Variants in COG4 observed in about 807,000 individuals in gnomAD.
COG4 encodes conserved oligomeric Golgi complex subunit 4.
In COG4, 65 loss-of-function variants were observed where a neutral mutation model predicts 95.1. The ratio of observed to expected loss-of-function variants is 0.68; its 90% CI spans 0.56 to 0.84. The LOEUF is 0.84. Ranked by LOEUF, COG4 falls within the 40% of genes least tolerant of loss-of-function variation. COG4 has a pLI of 0.00. For synonymous variants in COG4, 421 were observed against 374.8 expected (o/e 1.12, Z -1.42); for missense variants, 1,045 against 989.1 (o/e 1.06, Z -0.76).
In COG4 at chr16:70,499,956, G is replaced by A. The variant is rs979048509; in HGVS notation, c.1195+1002C>T. ...ATTACAGGCGTGAGCCACCGCGCCC[G>A]ACCTAAAAATTTTTTTAAATGTTTA... On this transcript the variant is annotated intron_variant, in intron 9 of 18. Coordinates refer to ENST00000323786, the MANE Select transcript of COG4 (RefSeq NM_015386.3). Among the ~76,000 whole-genome samples, 11 of 151,478 alleles carry A rather than the reference G, an allele frequency of 7.3e-5. No homozygotes were observed. In the East Asian group the frequency reaches 7.8e-4, roughly 11 times the overall value.
chr16:70,523,465 C>T lies in COG4; in HGVS notation c.79G>A (p.Gly27Ser). 6.2e-7 allele frequency: 1 copy of T among 1,614,120 alleles called. No homozygotes were observed. Among genetic ancestry groups the T allele is most frequent in the Non-Finnish European group, 8.5e-7 (1 of 1,180,030 alleles). ...TCAGCGGAGATTTCGGAGCAGCGGC[C>T]ACCTCCCACCCCCTCAGACGGCTGC... Reference protein sequence around the residue: ...VQQPSEGVGGGRCSEISAELI... With the variant: ...VQQPSEGVGGSRCSEISAELI... Residue 27 changes from glycine (G) to serine (S), a missense_variant, in exon 1 of 19, where the codon GGC (glycine) becomes AGC (serine). By Grantham distance (56) the Gly-to-Ser change is moderately conservative. Coordinates refer to ENST00000323786, the MANE Select transcript of COG4 (RefSeq NM_015386.3).
rs1216838296 is a variant in COG4, at chr16:70,496,286, C to T, written c.1627G>A (p.Glu543Lys). 11 of 1,614,066 alleles carry T rather than the reference C, an allele frequency of 6.8e-6. No homozygotes were observed. The highest frequency in any genetic ancestry group is 1.6e-4 in the Middle Eastern group (1 of 6,084). The change falls in exon 12 of 19, where the codon GAG becomes AAG. Residue 543 changes from glutamate to lysine, a missense_variant. Physicochemically the swap from Glu to Lys is moderately conservative, Grantham distance 56. Transcript: ENST00000323786. Reference sequence around the variant, plus strand: ...CCTACCAGGAAGGACATCTTCGCCTCGTCAGTACTCTCGATGCCTTTTGTG... The same window carrying T: ...CCTACCAGGAAGGACATCTTCGCCTTGTCAGTACTCTCGATGCCTTTTGTG... ...FDTKGIESTD[E>K]AKMSFLVTLN...
chr16:70,521,308 C>T (rs970804368), intron 1 of COG4, among the ~76,000 whole-genome samples: 1 of 152,030 alleles, frequency 6.6e-6, no homozygotes, highest in African/African-American at 2.4e-5. Flanking sequence ...CCTCCCTGCC[C>T]TGGGGTTCAA....
rs370588748 is a variant in COG4, at chr16:70,503,830, G to A, written c.1062-2739C>T. Among the ~76,000 whole-genome samples, 8 of 122,794 alleles carry A rather than the reference G, an allele frequency of 6.5e-5. 2 individuals carry two copies. Among genetic ancestry groups the A allele is most frequent in the African/African-American group, 3.4e-4 (5 of 14,508 alleles). 80.6% of individuals were successfully genotyped at this position (122,794 alleles called of 152,430 possible). A position where few individuals can be genotyped will look rare whatever the true frequency, so the allele number is the denominator to read the frequency against. Reference sequence around the variant, plus strand: ...AGGATGGTCTCGATCTCCTGACCTCGTGATCCGCCCGCCTCGGCCTCCCAA... The same window carrying A: ...AGGATGGTCTCGATCTCCTGACCTCATGATCCGCCCGCCTCGGCCTCCCAA... On this transcript the variant is annotated intron_variant, in intron 8 of 18. Coordinates refer to ENST00000323786, the MANE Select transcript of COG4 (RefSeq NM_015386.3).
At chr16:70,503,889 C>A (rs60939494) in intron 8 of COG4, among the ~76,000 whole-genome samples, 1 of 126,264 alleles carries the variant, frequency 7.9e-6, no homozygotes, top group Non-Finnish European at 1.5e-5. Context: ...CCACCGCGCC[C>A]GGCCAACTCC....
chr16:70,494,162 T>C (rs549930394), intron 12 of COG4, among the ~76,000 whole-genome samples: 31 of 152,276 alleles, frequency 2.0e-4, no homozygotes, highest in African/African-American at 7.2e-4. Context: ...ATGTCACAAG[T>C]TTCCAAATAA....
intron 1 of COG4, among the ~76,000 whole-genome samples, chr16:70,520,232 G>A (rs1300903940): frequency 2.6e-5 from 4 of 152,020 alleles, no homozygotes; most frequent in Admixed American, 2.0e-4. Context: ...TCAGGAGATC[G>A]AAACCATCCT....
intron 1 of COG4, among the ~76,000 whole-genome samples, chr16:70,520,218 G>C (rs894035137): frequency 6.6e-6 from 1 of 152,090 alleles, no homozygotes; most frequent in African/African-American, 2.4e-5. Context: ...GGCGGATCAC[G>C]AGGTCAGGAG....
chr16:70,506,911 G>A (rs969712788), intron 8 of COG4, among the ~76,000 whole-genome samples: 1 of 152,048 alleles, frequency 6.6e-6, no homozygotes, highest in Non-Finnish European at 1.5e-5. Flanking sequence ...AGAATATTTT[G>A]GTCAGAAATG....
intron 13 of COG4, among the ~76,000 whole-genome samples, chr16:70,489,356 T>C (rs2049197713): frequency 6.6e-6 from 1 of 151,660 alleles, no homozygotes; most frequent in African/African-American, 2.4e-5. Context: ...TAGCTGGGAT[T>C]ACAGGCGCCT....
chr16:70,498,103 A>C, intron 9 of COG4, 48 bp from the exon 10 acceptor site: 2 of 1,175,624 alleles, frequency 1.7e-6, no homozygotes, highest in Non-Finnish European at 2.6e-6. Flanking sequence ...CCCCAAGGGA[A>C]ACAGAGCAAC....
At chr16:70,515,936 T>A (rs2049813289) in intron 3 of COG4, 1 of 453,614 alleles carries the variant, frequency 2.2e-6, no homozygotes, top group South Asian at 1.6e-5. Context: ...CCCAAAGTGT[T>A]AGGATTGCAG....
At chr16:70,498,383 C>T (rs1016908183) in intron 9 of COG4, among the ~76,000 whole-genome samples, 2 of 151,604 alleles carry the variant, frequency 1.3e-5, no homozygotes, top group Non-Finnish European at 2.9e-5. Context: ...GGCTGGAGTG[C>T]AATGGCGTGA....
chr16:70,492,485 C>A lies in COG4; in HGVS notation c.1648-2093G>T, dbSNP rs2049264144. Among the ~76,000 whole-genome samples, 3 of 151,846 alleles carry A rather than the reference C, an allele frequency of 2.0e-5. No homozygotes were observed. In the South Asian group the frequency reaches 6.3e-4, roughly 32 times the overall value. On this transcript the variant is annotated intron_variant, in intron 12 of 18. Coordinates refer to ENST00000323786, the MANE Select transcript of COG4 (RefSeq NM_015386.3). ...ACTAGCCTGACCAACATGGAGAAAC[C>A]CCGTCTCTACTAAAAAAAATACAAA...
intron 1 of COG4, among the ~76,000 whole-genome samples, chr16:70,521,851 G>A (rs1383285678): frequency 4.6e-5 from 7 of 151,136 alleles, no homozygotes; most frequent in Admixed American, 6.6e-5. Flanking sequence ...ACAGGCGCCC[G>A]CCACCACGCC....
chr16:70,497,099 G>T, intron 11 of COG4, 122 bp downstream of exon 11: 1 of 972,304 alleles, frequency 1.0e-6, no homozygotes, highest in Non-Finnish European at 1.6e-6. Flanking sequence ...TTAGGGATAG[G>T]AGCTGATGTC....
chr16:70,481,704 A>G (rs2048997312), intron 17 of COG4, 60 bp downstream of exon 17: 4 of 1,474,606 alleles, frequency 2.7e-6, no homozygotes, highest in Non-Finnish European at 2.8e-6. Context: ...GGGTGGTGGC[A>G]TGACATGTCT....
intron 8 of COG4, among the ~76,000 whole-genome samples, chr16:70,504,052 C>G (rs927167747): frequency 2.0e-5 from 3 of 152,200 alleles, no homozygotes; most frequent in African/African-American, 7.2e-5. Context: ...TAGAGTCAGA[C>G]TGCTTGGATT....
In COG4 at chr16:70,496,262, C is replaced by G; in HGVS notation, c.1647+4G>C. ...ACCCAGCTCGTGAGCTGTGGGGTAC[C>G]TACCAGGAAGGACATCTTCGCCTCG... is the stretch of plus-strand genomic sequence containing the variant. On this transcript the variant is annotated splice_donor_region_variant and intron_variant, in intron 12 of 18. Transcript: ENST00000323786. 6.2e-7 allele frequency: 1 copy of G among 1,614,164 alleles called. No individual in the cohort carries two copies. The highest frequency in any genetic ancestry group is 8.5e-7 in the Non-Finnish European group (1 of 1,180,010).
Sources: gnomAD v4.1 joint callset for allele counts (sites outside exome capture counted in the v4.1 genomes callset) on GRCh38, gnomAD v4.1.1 for gene constraint, MANE v1.5 for transcripts, NCBI Gene and HGNC (gene_info 2026-07-23, HGNC 2026-07-21) for gene names.